Variants in LDLRAD4 observed in about 807,000 individuals in gnomAD.
LDLRAD4 encodes low-density lipoprotein receptor class A domain-containing protein 4.
A neutral mutation model predicts 17.0 loss-of-function variants in LDLRAD4; 5 were observed. The observed-to-expected ratio is 0.29, with a 90% confidence interval of 0.15 to 0.62. The LOEUF (loss-of-function observed/expected upper bound fraction) is 0.62. Among genes scored for constraint, LDLRAD4 ranks in the 20% least tolerant of loss-of-function variants. The pLI is 0.84. For missense variants in LDLRAD4, 340 were observed against 424.7 expected (o/e 0.80, Z 1.75); for synonymous variants, 168 against 171.8 (o/e 0.98, Z 0.17).
intron 1 of LDLRAD4, among the ~76,000 whole-genome samples, chr18:13,266,434 G>A (rs919235504): frequency 1.3e-5 from 2 of 152,202 alleles, no homozygotes; most frequent in South Asian, 2.1e-4. Flanking sequence ...GACACAGCCC[G>A]CTGAGGAAGG....
intron 1 of LDLRAD4, among the ~76,000 whole-genome samples, chr18:13,244,224 A>T (rs1309766905): frequency 7.0e-6 from 1 of 142,654 alleles, no homozygotes; most frequent in Non-Finnish European, 1.5e-5. Flanking sequence ...CCCATCCATT[A>T]ATCCATCTAC....
chr18:13,353,461 G>A (rs2083160683), intron 1 of LDLRAD4, among the ~76,000 whole-genome samples: 1 of 152,212 alleles, frequency 6.6e-6, no homozygotes, highest in Non-Finnish European at 1.5e-5. Context: ...CACCTTGGCT[G>A]CTGGACCTTA....
At chr18:13,256,805 T>C (rs2043529809) in intron 1 of LDLRAD4, among the ~76,000 whole-genome samples, 1 of 152,134 alleles carries the variant, frequency 6.6e-6, no homozygotes, top group Admixed American at 6.5e-5. Context: ...GTTAGGTGAA[T>C]GGAGGGAGCC....
chr18:13,289,487 C>T (rs557137228), intron 1 of LDLRAD4, among the ~76,000 whole-genome samples: 3 of 152,104 alleles, frequency 2.0e-5, no homozygotes, highest in East Asian at 3.8e-4. Context: ...TCACTTAACA[C>T]GAAATCTTCA....
intron 1 of LDLRAD4, among the ~76,000 whole-genome samples, chr18:13,317,368 A>T (rs560173630): frequency 7.9e-5 from 12 of 152,342 alleles, no homozygotes; most frequent in African/African-American, 2.9e-4. Flanking sequence ...TGGATGGAAG[A>T]TCCTGACCTG....
chr18:13,573,179 A>G (rs2094717282), intron 3 of LDLRAD4, among the ~76,000 whole-genome samples: 2 of 152,158 alleles, frequency 1.3e-5, no homozygotes, highest in South Asian at 4.1e-4. Context: ...ATCTTGGCTC[A>G]CTGCAGCCTC....
At chr18:13,432,557 A>T (rs1424584212) in intron 2 of LDLRAD4, among the ~76,000 whole-genome samples, 1 of 152,164 alleles carries the variant, frequency 6.6e-6, no homozygotes, top group Non-Finnish European at 1.5e-5. Flanking sequence ...AGGTCCCATG[A>T]CCATGCCTTT....
intron 1 of LDLRAD4, chr18:13,362,173 G>C (rs1434111230): frequency 6.6e-6 from 1 of 152,180 alleles, no homozygotes; most frequent in Non-Finnish European, 1.5e-5. Flanking sequence ...TACACTGACT[G>C]TTCTGTTGAA....
chr18:13,337,425 T>C (rs989634479), intron 1 of LDLRAD4, among the ~76,000 whole-genome samples: 2 of 152,160 alleles, frequency 1.3e-5, no homozygotes, highest in East Asian at 1.9e-4. Flanking sequence ...CCATGGAAAA[T>C]GGAGTTCAAA....
At chr18:13,221,280 ATTCTT>A (rs1253652428) in intron 1 of LDLRAD4, among the ~76,000 whole-genome samples, 1 of 152,192 alleles carries the variant, frequency 6.6e-6, no homozygotes. Flanking sequence ...GTCCAAAATT[ATTCTT>A]TTCTTTCTTC....
chr18:13,570,045 G>T (rs1329906293), intron 3 of LDLRAD4, among the ~76,000 whole-genome samples: 1 of 152,206 alleles, frequency 6.6e-6, no homozygotes, highest in East Asian at 1.9e-4. Flanking sequence ...GGGGGAAGGG[G>T]TTGTATTTTA....
chr18:13,510,080 T>C (rs940221577), intron 3 of LDLRAD4, among the ~76,000 whole-genome samples: 1 of 152,224 alleles, frequency 6.6e-6, no homozygotes, highest in Non-Finnish European at 1.5e-5. Context: ...TTCACTTTAT[T>C]TTGGCGGCCT....
chr18:13,307,715 G>T (rs1488719125), intron 1 of LDLRAD4, among the ~76,000 whole-genome samples: 2 of 152,126 alleles, frequency 1.3e-5, no homozygotes, highest in African/African-American at 4.8e-5. Flanking sequence ...TGCCATGCCT[G>T]GCCCCTAATT....
chr18:13,327,316 A>G (rs894735464), intron 1 of LDLRAD4, among the ~76,000 whole-genome samples: 8 of 152,130 alleles, frequency 5.3e-5, no homozygotes, highest in African/African-American at 1.9e-4. Context: ...ACTTTAATTG[A>G]TGATGAGTGT....
intron 1 of LDLRAD4, chr18:13,279,531 A>C (rs904088304): frequency 6.6e-6 from 1 of 152,228 alleles, no homozygotes; most frequent in African/African-American, 2.4e-5. Flanking sequence ...CCACTGGACT[A>C]TGCCCCCGAA....
At chr18:13,400,780 A>C (rs1279433314) in intron 2 of LDLRAD4, among the ~76,000 whole-genome samples, 1 of 152,092 alleles carries the variant, frequency 6.6e-6, no homozygotes, top group Non-Finnish European at 1.5e-5. Flanking sequence ...GACGTGGTTC[A>C]CTTACGGGCC....
intron 1 of LDLRAD4, among the ~76,000 whole-genome samples, chr18:13,324,920 T>C (rs2081439816): frequency 6.6e-6 from 1 of 152,190 alleles, no homozygotes; most frequent in Non-Finnish European, 1.5e-5. Context: ...ACATGTGACA[T>C]GTGAAAGGAG....
At chr18:13,429,719 T>C (rs2090196942) in intron 2 of LDLRAD4, among the ~76,000 whole-genome samples, 1 of 140,084 alleles carries the variant, frequency 7.1e-6, no homozygotes, top group East Asian at 2.0e-4. Flanking sequence ...CCTTGTTCAG[T>C]GAACCCTCCA....
intron 1 of LDLRAD4, among the ~76,000 whole-genome samples, chr18:13,233,779 A>G (rs1473803031): frequency 6.6e-6 from 1 of 151,764 alleles, no homozygotes; most frequent in East Asian, 1.9e-4. Flanking sequence ...TCGGCCCAGA[A>G]CTCCAAACCC....
Sources: gnomAD v4.1 joint callset for allele counts (sites outside exome capture counted in the v4.1 genomes callset) on GRCh38, gnomAD v4.1.1 for gene constraint, MANE v1.5 for transcripts, NCBI Gene and HGNC (gene_info 2026-07-23, HGNC 2026-07-21) for gene names.